The following GIPC2 variants were observed in gnomAD, a reference collection of about 807,000 sequenced individuals.
The protein encoded by GIPC2 is PDZ domain-containing protein GIPC2.
A neutral mutation model predicts 30.6 loss-of-function variants in GIPC2; 30 were observed. The observed-to-expected ratio is 0.98, with a 90% CI of 0.73 to 1.33. The LOEUF (loss-of-function observed/expected upper bound fraction) is 1.33. Among genes scored for constraint, GIPC2 ranks in the 40% most tolerant of loss-of-function variants. The probability of loss-of-function intolerance (pLI) is 0.00; values close to 1 mark genes in which losing one functional copy is unlikely to be tolerated. For missense variants in GIPC2, 414 were observed against 390.3 expected, an observed-to-expected ratio of 1.06 and a Z score of -0.51; for synonymous variants, 167 against 150.0, an observed-to-expected ratio of 1.11 and a Z score of -0.83.
intron 1 of GIPC2, among the ~76,000 whole-genome samples, chr1:78,051,580 A>C (rs1661198405): frequency 6.6e-6 from 1 of 151,430 alleles, no homozygotes. Flanking sequence ...GCTCACTGCA[A>C]CCTCTGCCTC....
rs917176427 is a variant in GIPC2 at position 78,125,893 on chromosome 1, A to C, written c.727A>C (p.Lys243Gln). ...ATVEEMPSET[K>Q]AKAIEKIDDV... ...TTTTTTGATAAAGCCTTCTGAAACC[A>C]AAGCAAAGGCAATTGAAAAGATTGA... is the stretch of plus-strand genomic sequence containing the variant. Residue 243 changes from lysine (K) to glutamine (Q), a missense_variant, in exon 5 of 6, where the codon AAA (lysine) becomes CAA (glutamine). Transcript: ENST00000370759. 1.9e-6 allele frequency: 3 copies of C among 1,575,432 alleles called. No homozygotes were observed. The highest frequency in any genetic ancestry group is 1.3e-5 in the African/African-American group (1 of 74,332).
chr1:78,104,643 T>C (rs1412595838), intron 3 of GIPC2, among the ~76,000 whole-genome samples: 1 of 152,066 alleles, frequency 6.6e-6, no homozygotes, highest in Non-Finnish European at 1.5e-5. Context: ...AGGAGGTGGA[T>C]TGATGACACT....
chr1:78,055,145 C>G (rs1023591406), intron 1 of GIPC2, among the ~76,000 whole-genome samples: 3 of 152,156 alleles, frequency 2.0e-5, no homozygotes, highest in Non-Finnish European at 4.4e-5. Context: ...AGCCCACTTC[C>G]TGGTTCATAG....
At chr1:78,112,839 T>C (rs1414328511) in intron 3 of GIPC2, among the ~76,000 whole-genome samples, 1 of 152,158 alleles carries the variant, frequency 6.6e-6, no homozygotes, top group Non-Finnish European at 1.5e-5. Flanking sequence ...TCAGTTAAAA[T>C]AGGCTCTTGT....
chr1:78,057,689 A>AGG (rs1661321709), intron 1 of GIPC2, among the ~76,000 whole-genome samples: 1 of 152,196 alleles, frequency 6.6e-6, no homozygotes, highest in Non-Finnish European at 1.5e-5. Flanking sequence ...ACAGTTTTAA[A>AGG]ATGGAAGGTA....
intron 5 of GIPC2, among the ~76,000 whole-genome samples, chr1:78,133,008 C>T (rs1453962770): frequency 6.6e-6 from 1 of 152,150 alleles, no homozygotes; most frequent in Non-Finnish European, 1.5e-5. Flanking sequence ...CAGTACTTCA[C>T]CTTAACATTC....
intron 4 of GIPC2, among the ~76,000 whole-genome samples, chr1:78,124,908 C>T (rs527997832): frequency 6.6e-6 from 1 of 152,322 alleles, no homozygotes; most frequent in East Asian, 1.9e-4. Context: ...ACTTGGGAGG[C>T]AGAGGTTGCA....
At chr1:78,097,978 T>C (rs2100384096) in intron 3 of GIPC2, among the ~76,000 whole-genome samples, 1 of 152,322 alleles carries the variant, frequency 6.6e-6, no homozygotes, top group East Asian at 1.9e-4. Flanking sequence ...AAATCACACA[T>C]AACATGAAGG....
chr1:78,054,887 C>G (rs1661258282), intron 1 of GIPC2, among the ~76,000 whole-genome samples: 2 of 152,150 alleles, frequency 1.3e-5, no homozygotes. Flanking sequence ...GGGTAGACTC[C>G]TCTTCAAACC....
intron 1 of GIPC2, among the ~76,000 whole-genome samples, chr1:78,062,228 T>C (rs2031496): frequency 0.29 from 43,948 of 152,148 alleles, 8,270 homozygotes; most frequent in Non-Finnish European, 0.41. Flanking sequence ...GTAGTAGTGG[T>C]TGTATAATTG....
intron 1 of GIPC2, among the ~76,000 whole-genome samples, chr1:78,049,271 C>T (rs1363446315): frequency 6.6e-6 from 1 of 152,190 alleles, no homozygotes. Flanking sequence ...AAGTGATTGT[C>T]CTGCCTCAGC....
chr1:78,110,982 G>T (rs1161475713), intron 3 of GIPC2, among the ~76,000 whole-genome samples: 1 of 152,204 alleles, frequency 6.6e-6, no homozygotes, highest in Non-Finnish European at 1.5e-5. Context: ...AAGCATTCCT[G>T]GGTCTGCAAT....
At chr1:78,100,827 G>A (rs1662231609) in intron 3 of GIPC2, among the ~76,000 whole-genome samples, 1 of 151,776 alleles carries the variant, frequency 6.6e-6, no homozygotes, top group Non-Finnish European at 1.5e-5. Flanking sequence ...TTGCTCGGGA[G>A]GCTGAGGCAG....
At chr1:78,110,933 G>A (rs524031) in intron 3 of GIPC2, among the ~76,000 whole-genome samples, 1 of 151,968 alleles carries the variant, frequency 6.6e-6, no homozygotes, top group Admixed American at 6.6e-5. Context: ...TGAATCAATC[G>A]CTAAGATTCA....
chr1:78,078,198 A>AAC (rs1661753864), intron 1 of GIPC2, among the ~76,000 whole-genome samples: 1 of 151,328 alleles, frequency 6.6e-6, no homozygotes, highest in South Asian at 2.1e-4. Flanking sequence ...AAAAAAAAAA[A>AAC]AAAAAAAAAA....
chr1:78,080,556 G>A (rs1188207012), intron 1 of GIPC2, 119 bp from the exon 2 acceptor site: 2 of 591,158 alleles, frequency 3.4e-6, no homozygotes, highest in Non-Finnish European at 5.9e-6. Flanking sequence ...CACATTTTAT[G>A]ATGTAACTCT....
At chr1:78,062,192 G>T (rs638335) in intron 1 of GIPC2, among the ~76,000 whole-genome samples, 129,929 of 152,214 alleles carry the variant, frequency 0.85, 55,584 homozygotes, top group East Asian at 0.91. Flanking sequence ...CTTAAAACAG[G>T]TTACATATCC....
At chr1:78,113,201 T>C (rs181277377) in intron 3 of GIPC2, among the ~76,000 whole-genome samples, 15 of 152,090 alleles carry the variant, frequency 9.9e-5, no homozygotes, top group Admixed American at 9.2e-4. Flanking sequence ...AATGCATATG[T>C]GTGGGTTCTA....
chr1:78,047,133 A>T (rs1032609356), intron 1 of GIPC2, among the ~76,000 whole-genome samples: 4 of 152,222 alleles, frequency 2.6e-5, no homozygotes, highest in Non-Finnish European at 5.9e-5. Context: ...GCATGACCTA[A>T]AGCACTAGTT....
Sources: gnomAD v4.1 joint callset for allele counts (sites outside exome capture counted in the v4.1 genomes callset) on GRCh38, gnomAD v4.1.1 for gene constraint, MANE v1.5 for transcripts, NCBI Gene and HGNC (gene_info 2026-07-23, HGNC 2026-07-21) for gene names.